The following KIF1B variants were observed in gnomAD, a reference collection of about 807,000 sequenced individuals.
The protein encoded by KIF1B is kinesin-like protein KIF1B.
In KIF1B, 76 loss-of-function variants were observed where a neutral mutation model predicts 241.9. That is an observed-to-expected ratio of 0.31 (90% CI 0.26 to 0.38). KIF1B has a LOEUF of 0.38. Among genes scored for constraint, KIF1B ranks in the 10% least tolerant of loss-of-function variants. The pLI is 1.00. For synonymous variants in KIF1B, 750 were observed against 796.7 expected, an observed-to-expected ratio of 0.94 and a Z score of 0.99; for missense variants, 1,622 against 2,271.4, an observed-to-expected ratio of 0.71 and a Z score of 5.81.
intron 22 of KIF1B, chr1:10,305,155 C>T (rs901111196): frequency 9.5e-7 from 1 of 1,047,594 alleles, no homozygotes; most frequent in Non-Finnish European, 1.2e-6. Flanking sequence ...CTGTTCCCTT[C>T]TTTAAATATG....
rs756530731 is a variant in KIF1B, at chr1:10,345,932, G to A, written c.3776G>A (p.Ser1259Asn). Residue 1259 changes from serine to asparagine, a missense_variant, in exon 35 of 49, where the codon AGT becomes AAT. Physicochemically the swap from Ser to Asn is conservative, Grantham distance 46. Around this residue, in one of 7 missense-constraint regions of KIF1B, gnomAD observed 803 missense variants for 1,112.0 expected, o/e 0.72. Transcript: ENST00000676179. Reference sequence around the variant, plus strand: ...GACCTCCTGGTTTGGTTTGAGATCAGTGAACTGGAGCCTACAGGAGAGTAA... The same window carrying A: ...GACCTCCTGGTTTGGTTTGAGATCAATGAACTGGAGCCTACAGGAGAGTAA... ...KYDLLVWFEI[S>N]ELEPTGEYIP... 4 of 1,612,004 alleles carry A rather than the reference G, an allele frequency of 2.5e-6. No individual in the cohort carries two copies. In the East Asian group the frequency reaches 8.9e-5, roughly 36 times the overall value.
chr1:10,337,021 A>G lies in KIF1B; in HGVS notation c.3130-53A>G. ...TAAACAGAAGTAAGGCAACTGGGGA[A>G]AAATACGTTTTTATACTACTTTACC... On this transcript the variant is annotated intron_variant, in intron 29 of 48. Transcript: ENST00000676179. This position sits in a 1 kb window ranked among gnomAD's most constrained non-coding sequence, Gnocchi z 4.0. 2 of 1,612,764 alleles carry G rather than the reference A, an allele frequency of 1.2e-6. No individual in the cohort carries two copies. Among genetic ancestry groups the G allele is most frequent in the South Asian group, 1.1e-5 (1 of 90,798 alleles).
chr1:10,270,408 TTTATCA>T (rs1179269662), intron 7 of KIF1B, among the ~76,000 whole-genome samples: 2 of 152,248 alleles, frequency 1.3e-5, no homozygotes, highest in Non-Finnish European at 2.9e-5. Flanking sequence ...TGTTGTTGTG[TTTATCA>T]ATAGTTCCTT....
At chr1:10,333,103 C>G (rs1451073195) in intron 27 of KIF1B, among the ~76,000 whole-genome samples, 1 of 151,872 alleles carries the variant, frequency 6.6e-6, no homozygotes, top group East Asian at 2.0e-4. Context: ...TGAGCCACCA[C>G]TCCCAGCCAA....
chr1:10,306,228 A>G (rs115354754), intron 22 of KIF1B: 32 of 1,041,412 alleles, frequency 3.1e-5, no homozygotes, highest in South Asian at 4.6e-5. Flanking sequence ...GAAGTCTTCA[A>G]CTGAGGTTTT....
At chr1:10,371,743 G>A (rs1367014409) in intron 45 of KIF1B, among the ~76,000 whole-genome samples, 1 of 152,134 alleles carries the variant, frequency 6.6e-6, no homozygotes, top group Non-Finnish European at 1.5e-5. Flanking sequence ...GACCAGGCTG[G>A]GCAACATAGC....
chr1:10,293,043 G>A lies in KIF1B; in HGVS notation c.1590+921G>A, dbSNP rs1404429559. On this transcript the variant is annotated intron_variant, in intron 17 of 48. Transcript: ENST00000676179. Reference sequence around the variant, plus strand: ...GATATGAAATATTCCTGTGGTTTTCGCTACAATTCTTCTGGTCAGGTTTTT... The same window carrying A: ...GATATGAAATATTCCTGTGGTTTTCACTACAATTCTTCTGGTCAGGTTTTT... Among the ~76,000 whole-genome samples, 7 of 150,086 alleles carry A rather than the reference G, an allele frequency of 4.7e-5. No individual in the cohort carries two copies. In the South Asian group the frequency reaches 6.3e-4, roughly 13 times the overall value.
In KIF1B at chr1:10,377,098, A is replaced by T. The variant is rs1638911372; in HGVS notation, c.*511A>T. 1 of 244,438 alleles carries T rather than the reference A, an allele frequency of 4.1e-6. No individual in the cohort carries two copies. The highest frequency in any genetic ancestry group is 8.1e-6 in the Non-Finnish European group (1 of 123,336). The allele number at this position is 244,438 out of a possible 1,614,324, so 15.1% of individuals were successfully genotyped here. Reference sequence around the variant, plus strand: ...GGTGGCTTAGAGACTAAGGGAGGAGACATCTGGCCTTTTTAGAACCTGAGA... The same window carrying T: ...GGTGGCTTAGAGACTAAGGGAGGAGTCATCTGGCCTTTTTAGAACCTGAGA... On this transcript the variant is annotated 3_prime_UTR_variant, in exon 49 of 49. Transcript: ENST00000676179.
intron 22 of KIF1B, among the ~76,000 whole-genome samples, chr1:10,315,219 G>T (rs1569806833): frequency 8.7e-6 from 1 of 115,586 alleles, no homozygotes; most frequent in Admixed American, 1.2e-4. Flanking sequence ...TCACTCTGTT[G>T]CCCAGGCTAG....
Position 10,276,265 on chromosome 1 carries a change from A to G in KIF1B, c.959-56A>G, listed in dbSNP as rs928833412. On this transcript the variant is annotated intron_variant, in intron 11 of 48. Coordinates refer to ENST00000676179, the MANE Select transcript of KIF1B (RefSeq NM_001365951.3). Reference sequence around the variant, plus strand: ...TACAATATCAGATTTGACACATTCCATAAAATTTTTCTTCTAAAATGAGTG... The same window carrying G: ...TACAATATCAGATTTGACACATTCCGTAAAATTTTTCTTCTAAAATGAGTG... The G allele has an allele frequency of 3.3e-5, 38 of 1,139,460 alleles. No individual in the cohort carries two copies. The African/African-American group carries it at 5.5e-4, about 16-fold the overall frequency. The allele number at this position is 1,139,460 out of a possible 1,614,324, so 70.6% of individuals were successfully genotyped here.
At chr1:10,291,949 G>C in intron 16 of KIF1B, 98 bp from the exon 17 acceptor site, 1 of 975,768 alleles carries the variant, frequency 1.0e-6, no homozygotes, top group Non-Finnish European at 1.7e-6. Context: ...AACATGGCCA[G>C]TTGTTTTTGC....
In KIF1B at chr1:10,292,081, C is replaced by T. The variant is rs756040504; in HGVS notation, c.1549C>T (p.Arg517Trp). Residue 517 changes from arginine (R) to tryptophan (W), a missense_variant, in exon 17 of 49, where the codon CGG becomes TGG. Arg to Trp is a moderately radical substitution (Grantham distance 101). Coordinates refer to ENST00000676179, the MANE Select transcript of KIF1B (RefSeq NM_001365951.3). Reference protein sequence around the residue: ...ALLAEMGVAIREDGGTLGVFS... With the variant: ...ALLAEMGVAIWEDGGTLGVFS... Reference sequence around the variant, plus strand: ...GTTGGCTGAGATGGGAGTTGCCATTCGGGAAGATGGAGGAACCCTAGGGGT... The same window carrying T: ...GTTGGCTGAGATGGGAGTTGCCATTTGGGAAGATGGAGGAACCCTAGGGGT... The T allele has an allele frequency of 3.7e-6, 6 of 1,613,846 alleles. No homozygotes were observed. Among genetic ancestry groups the T allele is most frequent in the South Asian group, 1.1e-5 (1 of 91,076 alleles).
Position 10,343,288 on chromosome 1 carries a change from G to A in KIF1B, c.3688+1G>A. ...CCACCCATGCCACTGTCCAAGCCAG[G>A]TGAGCACTCGCTCCGCTTTTTGCAT... On this transcript the variant is annotated splice_donor_variant, in intron 34 of 48. Transcript: ENST00000676179. LOFTEE classifies it high-confidence loss of function. 2 of 1,614,092 alleles carry A rather than the reference G, an allele frequency of 1.2e-6. No homozygotes were observed. Among genetic ancestry groups the A allele is most frequent in the Non-Finnish European group, 1.7e-6 (2 of 1,179,962 alleles).
At chr1:10,218,952 T>C (rs1295064506) in intron 1 of KIF1B, among the ~76,000 whole-genome samples, 1 of 152,186 alleles carries the variant, frequency 6.6e-6, no homozygotes, top group Admixed American at 6.5e-5. Flanking sequence ...TAAAAATTTA[T>C]GTAACAAGAA....
At chr1:10,217,296 C>T (rs1646781548) in intron 1 of KIF1B, among the ~76,000 whole-genome samples, 1 of 151,410 alleles carries the variant, frequency 6.6e-6, no homozygotes, top group African/African-American at 2.4e-5. Context: ...CTTGAACACA[C>T]CAGGCATAGT....
chr1:10,300,327 T>G (rs1217332517), intron 22 of KIF1B, among the ~76,000 whole-genome samples: 1 of 151,172 alleles, frequency 6.6e-6, no homozygotes, highest in Admixed American at 6.6e-5. Flanking sequence ...TCACATAAAC[T>G]TTGCATACAG....
intron 22 of KIF1B, among the ~76,000 whole-genome samples, chr1:10,319,319 C>G (rs1274575030): frequency 6.6e-6 from 1 of 152,146 alleles, no homozygotes; most frequent in East Asian, 1.9e-4. Context: ...TCAGGCTGGT[C>G]TCGAACTCCC....
chr1:10,218,546 G>A (rs1005595865), intron 1 of KIF1B, among the ~76,000 whole-genome samples: 4 of 151,708 alleles, frequency 2.6e-5, no homozygotes, highest in Non-Finnish European at 5.9e-5. Context: ...TCAGCCTCCC[G>A]AGTAGCTGGG....
chr1:10,304,625 C>T, intron 22 of KIF1B: 3 of 1,613,954 alleles, frequency 1.9e-6, no homozygotes, highest in Non-Finnish European at 2.5e-6. Context: ...AATCTCAAAG[C>T]TGGTCGAGAA....
Sources: allele counts gnomAD v4.1 joint callset (sites outside exome capture counted in the v4.1 genomes callset), GRCh38; gene constraint gnomAD v4.1.1; regional missense constraint gnomAD v4.1.1; non-coding constraint Gnocchi (gnomAD v3.1); transcripts MANE v1.5; gene names NCBI Gene and HGNC (gene_info 2026-07-23, HGNC 2026-07-21).